ROCK2: variants seen among roughly 807,000 people sequenced by gnomAD.
ROCK2 encodes the protein Rho associated coiled-coil containing protein kinase 2.
Under a neutral mutation model 195.1 loss-of-function variants are expected in ROCK2, and 61 were observed. The ratio of observed to expected loss-of-function variants is 0.31; its 90% confidence interval spans 0.25 to 0.39. The LOEUF (loss-of-function observed/expected upper bound fraction) is 0.39. Ranked by LOEUF, ROCK2 falls within the 10% of genes least tolerant of loss-of-function variation. The pLI is 1.00. For synonymous variants in ROCK2, 504 were observed against 545.5 expected (o/e 0.92, Z 1.06); for missense variants, 1,109 against 1,637.4 (o/e 0.68, Z 5.57).
intron 3 of ROCK2, among the ~76,000 whole-genome samples, chr2:11,285,203 G>A (rs745927434): frequency 3.8e-4 from 57 of 148,084 alleles, no homozygotes; most frequent in Non-Finnish European, 6.9e-4. Flanking sequence ...TGGAGGTTAC[G>A]GTGAGCCGAG....
chr2:11,291,779 A>C (rs764241833), intron 1 of ROCK2, among the ~76,000 whole-genome samples: 12 of 152,214 alleles, frequency 7.9e-5, no homozygotes, highest in Non-Finnish European at 1.8e-4. Context: ...TAAAGCTATA[A>C]AACTGGGTAA....
intron 5 of ROCK2, among the ~76,000 whole-genome samples, chr2:11,232,216 C>G (rs1449166464): frequency 6.6e-6 from 1 of 151,924 alleles, no homozygotes; most frequent in African/African-American, 2.4e-5. Context: ...GCAACTTCCA[C>G]CCCCTGGGTT....
At chr2:11,294,373 T>C (rs183337433) in intron 1 of ROCK2, among the ~76,000 whole-genome samples, 28 of 152,338 alleles carry the variant, frequency 1.8e-4, no homozygotes, top group African/African-American at 6.5e-4. Context: ...AAACACTTTA[T>C]ATAACATCTC....
Position 11,181,045 on chromosome 2 carries a change from G to C in ROCK2, c.*2392C>G, listed in dbSNP as rs1334273319. The stretch of plus-strand genomic sequence containing the variant: ...CCTTCATATGAATCTTCCTTGTACA[G>C]TTGGTCACACCATGATTCCCCATAT... On this transcript the variant is annotated 3_prime_UTR_variant, in exon 33 of 33. Coordinates refer to ENST00000315872, the MANE Select transcript of ROCK2 (RefSeq NM_004850.5). The C allele has an allele frequency of 1.3e-5, 2 of 151,556 alleles. No homozygotes were observed. The highest frequency in any genetic ancestry group is 2.9e-5 in the Non-Finnish European group (2 of 67,928). 9.4% of individuals were successfully genotyped at this position (151,556 alleles called of 1,614,324 possible).
chr2:11,277,469 T>TC (rs963176797), intron 3 of ROCK2, among the ~76,000 whole-genome samples: 25 of 152,164 alleles, frequency 1.6e-4, no homozygotes, highest in Admixed American at 9.8e-4. Flanking sequence ...TAGTCTTTTA[T>TC]CCCTTGCACC....
chr2:11,207,730 G>A lies in ROCK2; in HGVS notation c.2545C>T (p.Arg849Ter). 1 of 1,600,438 alleles carries A rather than the reference G, an allele frequency of 6.2e-7. No individual in the cohort carries two copies. Among genetic ancestry groups the A allele is most frequent in the Non-Finnish European group, 8.5e-7 (1 of 1,172,952 alleles). The change falls in exon 20 of 33, where the codon CGA becomes TGA. Residue 849 changes from arginine to a stop codon, truncating the protein, a stop_gained. Coordinates refer to ENST00000315872, the MANE Select transcript of ROCK2 (RefSeq NM_004850.5). LOFTEE classifies it high-confidence loss of function. The stretch of plus-strand genomic sequence containing the variant: ...CATCTCAATCAATTAACTTACTTTC[G>A]AAGTTCAGCATTTTGTTTTTCCAAG... Reference protein sequence around the residue: ...MNLEKQNAELRKERQDADGQM... With the variant: ...MNLEKQNAEL
At chr2:11,224,124 T>C (rs942309209) in intron 7 of ROCK2, among the ~76,000 whole-genome samples, 198 bp downstream of exon 7, 1 of 152,172 alleles carries the variant, frequency 6.6e-6, no homozygotes, top group Non-Finnish European at 1.5e-5. Flanking sequence ...TAGAGTTCGA[T>C]TACAACTGGG....
intron 3 of ROCK2, among the ~76,000 whole-genome samples, chr2:11,268,621 G>A (rs1317213219): frequency 6.6e-6 from 1 of 151,258 alleles, no homozygotes; most frequent in Non-Finnish European, 1.5e-5. Context: ...ACTGTCTCCT[G>A]GCCTCTGAAA....
chr2:11,273,072 G>C (rs1182993759), intron 3 of ROCK2, among the ~76,000 whole-genome samples: 1 of 48,442 alleles, frequency 2.1e-5, no homozygotes, highest in Middle Eastern at 0.015. Context: ...CAAAAGCCAA[G>C]AGAAATGCAG....
rs142626323 is a variant in ROCK2 at position 11,285,189 on chromosome 2, G to T, written c.324+1350C>A. ...AGGCAGGAGAATTGCTTGAACCCGG[G>T]GGGTGGAGGTTACGGTGAGCCGAGA... On this transcript the variant is annotated intron_variant, in intron 3 of 32. Transcript: ENST00000315872. Among the ~76,000 whole-genome samples, 628 of 151,816 alleles carry T rather than the reference G, an allele frequency of 4.1e-3. 3 individuals carry two copies. The highest frequency in any genetic ancestry group is 0.014 in the African/African-American group (559 of 41,298).
chr2:11,254,346 C>T (rs1225637955), intron 3 of ROCK2, among the ~76,000 whole-genome samples: 1 of 152,134 alleles, frequency 6.6e-6, no homozygotes, highest in East Asian at 1.9e-4. Flanking sequence ...CATATAATTG[C>T]ATGTTTCTGC....
At chr2:11,305,301 G>A (rs111611193) in intron 1 of ROCK2, among the ~76,000 whole-genome samples, 11,353 of 152,258 alleles carry the variant, frequency 0.075, 624 homozygotes, top group African/African-American at 0.15. Flanking sequence ...GCTTGAACCC[G>A]GGAGGCAGAA....
At chr2:11,227,921 C>T (rs1233528285) in intron 5 of ROCK2, among the ~76,000 whole-genome samples, 1 of 152,104 alleles carries the variant, frequency 6.6e-6, no homozygotes, top group Non-Finnish European at 1.5e-5. Context: ...ATTAAAAGAT[C>T]TTAGAAGTGT....
Position 11,194,243 on chromosome 2 carries a change from C to G in ROCK2, c.3608+13G>C, listed in dbSNP as rs772726360. The G allele has an allele frequency of 8.4e-6, 10 of 1,196,184 alleles. No individual in the cohort carries two copies. The South Asian group carries it at 1.8e-4, about 21-fold the overall frequency. 74.1% of individuals were successfully genotyped at this position (1,196,184 alleles called of 1,614,324 possible). On this transcript the variant is annotated intron_variant, in intron 29 of 32. Coordinates refer to ENST00000315872, the MANE Select transcript of ROCK2 (RefSeq NM_004850.5). The stretch of plus-strand genomic sequence containing the variant: ...AAGATATAGTTTCTAAATATTCTAA[C>G]AAAAACACTTACTCTATATCTAAAA...
chr2:11,193,437 A>G (rs1248399482), intron 30 of ROCK2, among the ~76,000 whole-genome samples: 1 of 152,184 alleles, frequency 6.6e-6, no homozygotes, highest in Non-Finnish European at 1.5e-5. Context: ...CTAACTTTCT[A>G]GAGAGCTGAG....
In ROCK2 at chr2:11,286,653, A is replaced by G; in HGVS notation, c.224-14T>C. 1 of 1,286,322 alleles carries G rather than the reference A, an allele frequency of 7.8e-7. No homozygotes were observed. Among genetic ancestry groups the G allele is most frequent in the Non-Finnish European group, 1.1e-6 (1 of 888,952 alleles). The allele number at this position is 1,286,322 out of a possible 1,614,324, so 79.7% of individuals were successfully genotyped here. ...CAATTTTCTCATCTACCATAAAAAG[A>G]TCACCATACTTATAATATCAATCAT... is the stretch of plus-strand genomic sequence containing the variant. On this transcript the variant is annotated splice_polypyrimidine_tract_variant and intron_variant, in intron 2 of 32. Coordinates refer to ENST00000315872, the MANE Select transcript of ROCK2 (RefSeq NM_004850.5).
intron 23 of ROCK2, among the ~76,000 whole-genome samples, chr2:11,199,841 A>G (rs181249944): frequency 8.8e-4 from 134 of 152,286 alleles, no homozygotes; most frequent in African/African-American, 3.0e-3. Flanking sequence ...TCTATAGTGT[A>G]TTTATCTTAA....
intron 3 of ROCK2, among the ~76,000 whole-genome samples, chr2:11,274,347 A>G (rs899156355): frequency 1.3e-5 from 2 of 152,174 alleles, no homozygotes; most frequent in Non-Finnish European, 2.9e-5. Flanking sequence ...AAACAATCCA[A>G]AAGAGTCACA....
chr2:11,254,727 TAAAAAAAAAAAAA>T (rs10640683), intron 3 of ROCK2, among the ~76,000 whole-genome samples: 13 of 39,130 alleles, frequency 3.3e-4, no homozygotes, highest in East Asian at 1.5e-3. Flanking sequence ...CCCTGTCTCT[TAAAAAAAAAAAAA>T]AAAAAAAAAA....
Sources: allele counts gnomAD v4.1 joint callset (sites outside exome capture counted in the v4.1 genomes callset), GRCh38; gene constraint gnomAD v4.1.1; transcripts MANE v1.5; gene names NCBI Gene and HGNC (gene_info 2026-07-23, HGNC 2026-07-21).